Variants in NAA11 observed in about 807,000 individuals in gnomAD.
NAA11 encodes N-alpha-acetyltransferase 11, NatA catalytic subunit.
In NAA11, 15 loss-of-function variants were observed where a neutral mutation model predicts 16.1. That is an observed-to-expected ratio of 0.93 (90% CI 0.62 to 1.44). The LOEUF (loss-of-function observed/expected upper bound fraction) is 1.44, where lower values mean the gene tolerates loss of function less well. Among genes scored for constraint, NAA11 ranks in the 40% most tolerant of loss-of-function variants. The probability of loss-of-function intolerance (pLI) is 0.00; values close to 1 mark genes in which losing one functional copy is unlikely to be tolerated. For missense variants in NAA11, 298 were observed against 291.3 expected (o/e 1.02, Z -0.17); for synonymous variants, 122 against 112.4 (o/e 1.09, Z -0.54).
intron 2 of NAA11, among the ~76,000 whole-genome samples, chr4:79,244,308 C>T (rs927042608): frequency 2.8e-5 from 4 of 143,760 alleles, no homozygotes; most frequent in East Asian, 2.2e-4. Flanking sequence ...CCCACCAGTC[C>T]GCTTCATTGG....
chr4:79,186,636 C>A, the NAA11 span, among the ~76,000 whole-genome samples: 2 of 151,948 alleles, frequency 1.3e-5, no homozygotes, highest in Non-Finnish European at 2.9e-5. Context: ...TCAGCTGTAC[C>A]AAAACTGTAA....
At chr4:79,197,248 G>T in the NAA11 span, among the ~76,000 whole-genome samples, 4 of 151,692 alleles carry the variant, frequency 2.6e-5, no homozygotes. Context: ...TTTTTTTTAA[G>T]GCATATTTTA....
chr4:79,287,285 C>G (rs1722963773), intron 2 of NAA11, among the ~76,000 whole-genome samples: 1 of 151,976 alleles, frequency 6.6e-6, no homozygotes. Context: ...CATCTGAAAA[C>G]ATCTATGGAC....
chr4:79,303,122 A>ATATG (rs1723460814), intron 1 of NAA11, among the ~76,000 whole-genome samples: 1 of 113,524 alleles, frequency 8.8e-6, no homozygotes, highest in African/African-American at 3.3e-5. Flanking sequence ...ATATATATAT[A>ATATG]CCTCCCAACA....
the NAA11 span, among the ~76,000 whole-genome samples, chr4:79,156,418 A>G: frequency 6.6e-6 from 1 of 152,038 alleles, no homozygotes; most frequent in East Asian, 1.9e-4. Flanking sequence ...GGCTCACACC[A>G]TTATAGAGGC....
downstream of NAA11, among the ~76,000 whole-genome samples, chr4:79,312,258 CTT>C (rs1381404677): frequency 6.6e-6 from 1 of 152,204 alleles, no homozygotes; most frequent in Non-Finnish European, 1.5e-5. Context: ...AAAAGCCAGA[CTT>C]AACACTCTCG....
At chr4:79,180,678 C>G in the NAA11 span, among the ~76,000 whole-genome samples, 2 of 152,134 alleles carry the variant, frequency 1.3e-5, no homozygotes, top group Non-Finnish European at 2.9e-5. Flanking sequence ...GTGGCGATTC[C>G]TCAAGGATCT....
intron 2 of NAA11, among the ~76,000 whole-genome samples, chr4:79,279,946 G>A (rs1722747244): frequency 6.6e-6 from 1 of 152,020 alleles, no homozygotes; most frequent in Non-Finnish European, 1.5e-5. Context: ...TCAGGGAGAT[G>A]TGTCTATTTC....
downstream of NAA11, among the ~76,000 whole-genome samples, chr4:79,311,750 G>A (rs1723776313): frequency 1.3e-5 from 2 of 152,114 alleles, no homozygotes; most frequent in South Asian, 4.1e-4. Flanking sequence ...CACAAAAGCT[G>A]TGACGTTTCA....
intron 2 of NAA11, among the ~76,000 whole-genome samples, chr4:79,230,994 T>G (rs4413431): frequency 0.12 from 18,247 of 152,028 alleles, 1,330 homozygotes; most frequent in African/African-American, 0.19. Context: ...TTGTTTATCT[T>G]CTTATTTAAT....
chr4:79,247,184 G>A (rs556635993), intron 2 of NAA11, among the ~76,000 whole-genome samples: 1 of 152,312 alleles, frequency 6.6e-6, no homozygotes, highest in South Asian at 2.1e-4. Context: ...AACTATCATT[G>A]TGTATTTTGA....
At chr4:79,314,535 T>G (rs1723871778), downstream of NAA11, among the ~76,000 whole-genome samples, 1 of 150,062 alleles carries the variant, frequency 6.7e-6, no homozygotes, top group Non-Finnish European at 1.5e-5. Flanking sequence ...GCACTAAGCA[T>G]ATGAACTATA....
chr4:79,232,614 T>C (rs1235716527), intron 2 of NAA11, among the ~76,000 whole-genome samples: 1 of 151,996 alleles, frequency 6.6e-6, no homozygotes, highest in Non-Finnish European at 1.5e-5. Flanking sequence ...TACTACTATG[T>C]TGTGAGCCAA....
the NAA11 span, among the ~76,000 whole-genome samples, chr4:79,175,743 T>TAAA: frequency 0.012 from 1,491 of 123,424 alleles, 25 homozygotes; most frequent in Middle Eastern, 0.044. Flanking sequence ...GTAATCACTG[T>TAAA]AAAAAAAAAA....
At chr4:79,290,077 G>C in intron 2 of NAA11, among the ~76,000 whole-genome samples, 1 of 152,158 alleles carries the variant, frequency 6.6e-6, no homozygotes, top group East Asian at 1.9e-4. Context: ...TTTTGAAGGT[G>C]AGTTTGAGGT....
the NAA11 span, among the ~76,000 whole-genome samples, chr4:79,158,870 A>T: frequency 5.3e-5 from 8 of 152,122 alleles, no homozygotes; most frequent in East Asian, 1.4e-3. Context: ...GAGAAAGCAC[A>T]CCCTATTCAA....
the NAA11 span, among the ~76,000 whole-genome samples, chr4:79,217,934 T>A: frequency 6.6e-6 from 1 of 152,064 alleles, no homozygotes; most frequent in Non-Finnish European, 1.5e-5. Context: ...AAATAATACA[T>A]GTGTAGAAGT....
At chr4:79,249,001 A>T (rs868380360) in intron 2 of NAA11, among the ~76,000 whole-genome samples, 1 of 151,186 alleles carries the variant, frequency 6.6e-6, no homozygotes, top group African/African-American at 2.4e-5. Context: ...GCCCCCCCCC[A>T]GTGCAGCAGG....
intron 1 of NAA11, among the ~76,000 whole-genome samples, chr4:79,303,095 T>G (rs1375525829): frequency 3.7e-5 from 4 of 108,126 alleles, no homozygotes; most frequent in African/African-American, 1.7e-4. Flanking sequence ...TATATATATA[T>G]ATATATATAT....
Sources: gnomAD v4.1 joint callset for allele counts (sites outside exome capture counted in the v4.1 genomes callset) on GRCh38, gnomAD v4.1.1 for gene constraint, MANE v1.5 for transcripts, NCBI Gene and HGNC (gene_info 2026-07-23, HGNC 2026-07-21) for gene names.